The following OPRM1 variants were observed in gnomAD, a reference collection of about 807,000 sequenced individuals.
The protein encoded by OPRM1 is mu-type opioid receptor.
In OPRM1, 27 loss-of-function variants were observed where a neutral mutation model predicts 31.8. The ratio of observed to expected loss-of-function variants is 0.85; its 90% CI spans 0.63 to 1.17. The LOEUF is 1.17. Ranked by LOEUF, OPRM1 falls within the 50% of genes most tolerant of loss-of-function variation. The pLI, the probability that OPRM1 is intolerant of heterozygous loss-of-function variation, is 0.00. For synonymous variants in OPRM1, 196 were observed against 189.9 expected (o/e 1.03, Z -0.26); for missense variants, 536 against 511.1 (o/e 1.05, Z -0.47).
chr6:154,072,429 T>A (rs17181115), intron 1 of OPRM1, among the ~76,000 whole-genome samples: 1 of 152,216 alleles, frequency 6.6e-6, no homozygotes, highest in African/African-American at 2.4e-5. Context: ...AAGGTTGAAA[T>A]GTATTTTCAA....
chr6:154,051,477 T>C (rs2128416517), intron 1 of OPRM1, among the ~76,000 whole-genome samples: 1 of 152,370 alleles, frequency 6.6e-6, no homozygotes, highest in East Asian at 1.9e-4. Flanking sequence ...TATAGTTAGA[T>C]GCATATAAGA....
At chr6:154,225,775 A>G (rs1779201152) in intron 3 of OPRM1, among the ~76,000 whole-genome samples, 1 of 152,228 alleles carries the variant, frequency 6.6e-6, no homozygotes, top group Non-Finnish European at 1.5e-5. Context: ...TTAAGAATCT[A>G]TGTTAGGCTA....
At chr6:154,200,204 C>T (rs932131584) in intron 3 of OPRM1, among the ~76,000 whole-genome samples, 2 of 152,162 alleles carry the variant, frequency 1.3e-5, no homozygotes, top group African/African-American at 2.4e-5. Flanking sequence ...CTGTTTGACA[C>T]ACATTAGGAT....
At chr6:154,157,126 T>G (rs895889972) in intron 3 of OPRM1, 2 of 152,228 alleles carry the variant, frequency 1.3e-5, no homozygotes, top group East Asian at 3.8e-4. Context: ...TTTCCCAATA[T>G]TCTTTGGACC....
At chr6:154,190,861 C>G (rs1008019044) in intron 3 of OPRM1, among the ~76,000 whole-genome samples, 3 of 152,112 alleles carry the variant, frequency 2.0e-5, no homozygotes, top group Non-Finnish European at 4.4e-5. Flanking sequence ...TCGAGACCAT[C>G]CTGGCTAACA....
At chr6:154,181,189 A>C (rs2128568623) in intron 3 of OPRM1, among the ~76,000 whole-genome samples, 1 of 152,296 alleles carries the variant, frequency 6.6e-6, no homozygotes, top group Non-Finnish European at 1.5e-5. Context: ...AATTAAGAAA[A>C]AAATCTGGAT....
intron 3 of OPRM1, among the ~76,000 whole-genome samples, chr6:154,179,701 T>C (rs1800668233): frequency 1.3e-5 from 2 of 152,238 alleles, no homozygotes; most frequent in African/African-American, 4.8e-5. Flanking sequence ...TGAAAACTAT[T>C]TTTATTTTAT....
At chr6:154,045,948 A>G (rs964819113) in intron 1 of OPRM1, among the ~76,000 whole-genome samples, 10 of 152,234 alleles carry the variant, frequency 6.6e-5, no homozygotes, top group Middle Eastern at 3.4e-3. Flanking sequence ...TCTCAAAAAC[A>G]TGCCTCGTTT....
chr6:154,180,407 TATATA>T lies in OPRM1; in HGVS notation c.1165-66285_1165-66281del, dbSNP rs1365514334. 1.9e-3 allele frequency among the ~76,000 whole-genome samples: 77 copies of T among 40,186 alleles called. 1 individual carries two copies. Among genetic ancestry groups the T allele is most frequent in the Middle Eastern group, 0.017 (1 of 60 alleles). The allele number at this position is 40,186 out of a possible 152,430, so 26.4% of individuals were successfully genotyped here. A position where few individuals can be genotyped will look rare whatever the true frequency, so the allele number is the denominator to read the frequency against. On this transcript the variant is annotated intron_variant, in intron 3 of 3. Transcript: ENST00000337049. ...ACAACTATATATATATATATATATA[TATATA>T]TATTTTTTTTTTAAACATGATCCTT...
At chr6:154,010,956 A>G in exon 1 of OPRM1, 1 of 1,296,554 alleles carries the variant, frequency 7.7e-7, no homozygotes, top group Non-Finnish European at 1.0e-6. Flanking sequence ...GAACTCTGAT[A>G]TCCTCTCACA....
intron 3 of OPRM1, among the ~76,000 whole-genome samples, chr6:154,235,995 G>T (rs1156907998): frequency 6.6e-6 from 1 of 152,166 alleles, no homozygotes; most frequent in Non-Finnish European, 1.5e-5. Context: ...AAATAGCATG[G>T]TAGCGCCTCA....
chr6:154,064,632 T>G lies in OPRM1; in HGVS notation c.290+24798T>G, dbSNP rs77926776. On this transcript the variant is annotated intron_variant, in intron 1 of 3. Transcript: ENST00000330432. Reference sequence around the variant, plus strand: ...GTTGTATAATTTTAGCTTTTATATTTAGGTCTTTGATCCATCTTGAGTTAA... The same window carrying G: ...GTTGTATAATTTTAGCTTTTATATTGAGGTCTTTGATCCATCTTGAGTTAA... Among the ~76,000 whole-genome samples the G allele has an allele frequency of 7.5e-3, 1,147 of 152,332 alleles. 2 individuals carry two copies. The highest frequency in any genetic ancestry group is 0.019 in the South Asian group (90 of 4,830).
chr6:154,053,723 C>T (rs143337337), intron 1 of OPRM1, among the ~76,000 whole-genome samples: 194 of 152,276 alleles, frequency 1.3e-3, no homozygotes, highest in African/African-American at 4.5e-3. Flanking sequence ...TTTGATCTGC[C>T]ATGCTCAGAG....
intron 1 of OPRM1, among the ~76,000 whole-genome samples, chr6:154,049,418 G>A (rs1781784083): frequency 6.6e-6 from 1 of 152,184 alleles, no homozygotes; most frequent in Non-Finnish European, 1.5e-5. Flanking sequence ...CTGGGAACCT[G>A]CACAGAGAGC....
At position 154,039,259 on chromosome 6, in the gene OPRM1, CGA is replaced by C; in HGVS notation, c.-285_-284del. 1.2e-5 allele frequency: 19 copies of C among 1,551,730 alleles called. No homozygotes were observed. The highest frequency in any genetic ancestry group is 1.7e-5 in the Non-Finnish European group (19 of 1,146,988). ...TCCCTCCTCCCTCCCTTCCAGCCTC[CGA>C]ATCCCGCATGGCCCACGCTCCCCTC... On this transcript the variant is annotated 5_prime_UTR_variant, in exon 1 of 4. Transcript: ENST00000330432.
intron 1 of OPRM1, among the ~76,000 whole-genome samples, chr6:154,041,200 G>A (rs1256874814): frequency 6.6e-6 from 1 of 152,100 alleles, no homozygotes; most frequent in East Asian, 1.9e-4. Context: ...TTTTTAAAGA[G>A]TAAAGCTAAT....
intron 3 of OPRM1, among the ~76,000 whole-genome samples, chr6:154,190,391 C>CA (rs530793964): frequency 6.6e-6 from 1 of 151,950 alleles, no homozygotes; most frequent in Non-Finnish European, 1.5e-5. Flanking sequence ...ATATAAATAG[C>CA]AAAAAAGCGT....
At chr6:154,236,761 T>C (rs1282626193) in intron 3 of OPRM1, among the ~76,000 whole-genome samples, 4 of 152,054 alleles carry the variant, frequency 2.6e-5, no homozygotes, top group South Asian at 2.1e-4. Flanking sequence ...GGCCCAGAGA[T>C]GGTGGGTGGT....
chr6:154,091,371 C>T lies in OPRM1; in HGVS notation c.1063C>T (p.Pro355Ser), dbSNP rs200663220. ...FKRCFREFCIPTSSNIEQQNS... is the reference protein window; with the variant it reads ...FKRCFREFCISTSSNIEQQNS... ...ACGATGCTTCAGAGAGTTCTGTATC[C>T]CAACCTCTTCCAACATTGAGCAACA... The change falls in exon 3 of 4, where the codon CCA (proline) becomes TCA (serine). Residue 355 changes from proline to serine, a missense_variant. By Grantham distance (74) the Pro-to-Ser change is moderately conservative. Coordinates refer to ENST00000330432, the MANE Select transcript of OPRM1 (RefSeq NM_000914.5). 1.2e-6 allele frequency: 2 copies of T among 1,614,174 alleles called. No homozygotes were observed. The highest frequency in any genetic ancestry group is 8.5e-7 in the Non-Finnish European group (1 of 1,180,030).
Sources: allele counts gnomAD v4.1 joint callset (sites outside exome capture counted in the v4.1 genomes callset), GRCh38; gene constraint gnomAD v4.1.1; transcripts MANE v1.5; gene names NCBI Gene and HGNC (gene_info 2026-07-23, HGNC 2026-07-21).